The following SPATA16 variants were observed in gnomAD, a reference collection of about 807,000 sequenced individuals.
SPATA16 encodes spermatogenesis associated 16, also known as spermatogenesis-associated protein 16.
SPATA16 carries 36 observed loss-of-function variants against 63.3 expected under a neutral mutation model. The observed-to-expected ratio is 0.57, with a 90% CI of 0.44 to 0.75. The LOEUF is 0.75. Ranked by LOEUF, SPATA16 falls within the 30% of genes least tolerant of loss-of-function variation. The pLI is 0.00. For missense variants in SPATA16, 646 were observed against 679.3 expected, an observed-to-expected ratio of 0.95 and a Z score of 0.54; for synonymous variants, 203 against 216.7, an observed-to-expected ratio of 0.94 and a Z score of 0.56.
At chr3:172,903,144 AAGAC>A (rs1457656370) in intron 10 of SPATA16, among the ~76,000 whole-genome samples, 1 of 152,222 alleles carries the variant, frequency 6.6e-6, no homozygotes, top group Admixed American at 6.5e-5. Context: ...TAATGTATAA[AAGAC>A]AGGCAATAAA....
chr3:173,073,514 C>G (rs1326933463), intron 2 of SPATA16, among the ~76,000 whole-genome samples: 3 of 152,254 alleles, frequency 2.0e-5, no homozygotes, highest in Non-Finnish European at 4.4e-5. Flanking sequence ...CATGCTGTGG[C>G]TTCAGAGGGT....
Position 173,011,630 on chromosome 3 carries a change from T to G in SPATA16, c.848+7856A>C, listed in dbSNP as rs78567168. ...GGCAAACTTAGGCAAAAGAAAGAAA[T>G]AAAAAGCATACAAACAGAAAAAAAA... On this transcript the variant is annotated intron_variant, in intron 4 of 10. Coordinates refer to ENST00000351008, the MANE Select transcript of SPATA16 (RefSeq NM_031955.6). Among the ~76,000 whole-genome samples the G allele has an allele frequency of 8.9e-3, 1,352 of 152,092 alleles. 20 individuals carry two copies. Among genetic ancestry groups the G allele is most frequent in the African/African-American group, 0.03 (1,262 of 41,490 alleles).
At chr3:173,052,830 T>A (rs1005501988) in intron 2 of SPATA16, among the ~76,000 whole-genome samples, 2 of 152,162 alleles carry the variant, frequency 1.3e-5, no homozygotes, top group Non-Finnish European at 2.9e-5. Flanking sequence ...TTTGGTGAAA[T>A]AAGTCATGGA....
In SPATA16 at chr3:172,924,252, G is replaced by C. The variant is rs754951635; in HGVS notation, c.1294C>G (p.Arg432Gly). The change falls in exon 8 of 11, where the codon CGA becomes GGA. Residue 432 changes from arginine (R) to glycine (G), a missense_variant. By Grantham distance (125) the Arg-to-Gly change is moderately radical (BLOSUM62 -2). Transcript: ENST00000351008. Reference protein sequence around the residue: ...TVRQMETMGKRILPILDFIRS... With the variant: ...TVRQMETMGKGILPILDFIRS... ...ATAAAATCCAATATTGGCAAGATTC[G>C]CTTCCCCATTGTCTCCATTTGCCTC... 6.2e-7 allele frequency: 1 copy of C among 1,613,180 alleles called. No homozygotes were observed. Among genetic ancestry groups the C allele is most frequent in the African/African-American group, 1.3e-5 (1 of 74,850 alleles).
At chr3:172,959,459 C>G (rs774240683) in intron 5 of SPATA16, among the ~76,000 whole-genome samples, 1 of 152,138 alleles carries the variant, frequency 6.6e-6, no homozygotes, top group Non-Finnish European at 1.5e-5. Context: ...CCACTGAGAA[C>G]CAATAGAGAT....
chr3:173,030,755 G>T (rs986605805), intron 3 of SPATA16, among the ~76,000 whole-genome samples: 1 of 151,952 alleles, frequency 6.6e-6, no homozygotes, highest in Non-Finnish European at 1.5e-5. Flanking sequence ...TGAAATCAGA[G>T]TCTCCAGGAA....
At chr3:173,046,817 T>A (rs527930259) in intron 3 of SPATA16, among the ~76,000 whole-genome samples, 20 of 152,154 alleles carry the variant, frequency 1.3e-4, no homozygotes, top group African/African-American at 4.8e-4. Context: ...TAAAATCATA[T>A]GTATTGACTT....
intron 2 of SPATA16, among the ~76,000 whole-genome samples, chr3:173,098,186 C>T (rs547815318): frequency 6.6e-6 from 1 of 152,048 alleles, no homozygotes; most frequent in South Asian, 2.1e-4. Flanking sequence ...GTTTAAAGCC[C>T]TATTAATAAT....
intron 10 of SPATA16, among the ~76,000 whole-genome samples, chr3:172,894,381 T>C (rs1345034872): frequency 6.6e-6 from 1 of 151,970 alleles, no homozygotes; most frequent in Non-Finnish European, 1.5e-5. Flanking sequence ...GACAAGCCCC[T>C]AAGTTTTTTC....
At chr3:173,027,623 A>G (rs930639699) in intron 3 of SPATA16, among the ~76,000 whole-genome samples, 4 of 151,154 alleles carry the variant, frequency 2.6e-5, no homozygotes, top group African/African-American at 9.7e-5. Flanking sequence ...ATAGCAGCCA[A>G]CCCCTGCATT....
At chr3:172,967,726 C>T (rs751437873) in intron 5 of SPATA16, among the ~76,000 whole-genome samples, 7 of 152,266 alleles carry the variant, frequency 4.6e-5, no homozygotes, top group Middle Eastern at 3.4e-3. Flanking sequence ...CATAGGAGCA[C>T]GAACCCTATT....
chr3:172,911,643 A>AT (rs1732374116), intron 10 of SPATA16, among the ~76,000 whole-genome samples: 1 of 152,188 alleles, frequency 6.6e-6, no homozygotes, highest in African/African-American at 2.4e-5. Flanking sequence ...AGCTGCTCCT[A>AT]TGAGAGTGTC....
chr3:173,114,382 T>C (rs1483900565), intron 2 of SPATA16, among the ~76,000 whole-genome samples: 8 of 152,150 alleles, frequency 5.3e-5, no homozygotes, highest in Non-Finnish European at 1.2e-4. Flanking sequence ...TAAATTTTGG[T>C]TAATGGGAAA....
chr3:172,919,676 ATTCT>A (rs1242853864), intron 8 of SPATA16, among the ~76,000 whole-genome samples: 4 of 151,474 alleles, frequency 2.6e-5, no homozygotes, highest in African/African-American at 9.7e-5. Flanking sequence ...ATTTTTTTTA[ATTCT>A]TTATTTTTTT....
chr3:173,104,131 A>T (rs73030963), intron 2 of SPATA16, among the ~76,000 whole-genome samples: 5,823 of 152,266 alleles, frequency 0.038, 365 homozygotes, highest in African/African-American at 0.13. Flanking sequence ...CCTCATTTCC[A>T]TCTGAGACTT....
intron 1 of SPATA16, among the ~76,000 whole-genome samples, chr3:173,126,488 G>T (rs1241269696): frequency 6.6e-6 from 1 of 152,138 alleles, no homozygotes; most frequent in African/African-American, 2.4e-5. Context: ...TGCAAACACT[G>T]CTCTGTCTTC....
chr3:173,055,506 T>TA (rs1736201075), intron 2 of SPATA16, among the ~76,000 whole-genome samples: 1 of 152,116 alleles, frequency 6.6e-6, no homozygotes, highest in Non-Finnish European at 1.5e-5. Context: ...ATATGCTGAG[T>TA]AAAAAAATCT....
At chr3:173,077,430 A>G (rs1199687143) in intron 2 of SPATA16, among the ~76,000 whole-genome samples, 1 of 152,222 alleles carries the variant, frequency 6.6e-6, no homozygotes, top group Non-Finnish European at 1.5e-5. Context: ...AGCATTATTT[A>G]TGGATTTATG....
At chr3:172,946,651 C>G (rs912469850) in intron 6 of SPATA16, among the ~76,000 whole-genome samples, 3 of 152,160 alleles carry the variant, frequency 2.0e-5, no homozygotes, top group African/African-American at 7.2e-5. Context: ...TGTCTTGTGG[C>G]TTGGGTGCCA....
Sources: gnomAD v4.1 joint callset for allele counts (sites outside exome capture counted in the v4.1 genomes callset) on GRCh38, gnomAD v4.1.1 for gene constraint, MANE v1.5 for transcripts, NCBI Gene and HGNC (gene_info 2026-07-23, HGNC 2026-07-21) for gene names.